The following SLC9C1 variants were observed in gnomAD, a reference collection of about 807,000 sequenced individuals.
The protein encoded by SLC9C1 is solute carrier family 9 member C1, also known as sodium/hydrogen exchanger 10.
Under a neutral mutation model 140.9 loss-of-function variants are expected in SLC9C1, and 97 were observed. The observed-to-expected ratio is 0.69, with a 90% CI of 0.58 to 0.82. The LOEUF (loss-of-function observed/expected upper bound fraction) is 0.82, where lower values mean the gene tolerates loss of function less well. SLC9C1 is among the 40% of genes least tolerant of loss of function. The pLI is 0.00. For synonymous variants in SLC9C1, 440 were observed against 442.6 expected, an observed-to-expected ratio of 0.99 and a Z score of 0.07; for missense variants, 1,340 against 1,389.3, an observed-to-expected ratio of 0.96 and a Z score of 0.56.
At chr3:112,219,327 A>AT (rs2078475497) in intron 14 of SLC9C1, among the ~76,000 whole-genome samples, 1 of 62,984 alleles carries the variant, frequency 1.6e-5, no homozygotes, top group Non-Finnish European at 3.5e-5. Flanking sequence ...GAATATAAGC[A>AT]CATCAATAGA....
chr3:112,245,379 G>A (rs2079253485), intron 10 of SLC9C1, among the ~76,000 whole-genome samples: 1 of 150,974 alleles, frequency 6.6e-6, no homozygotes, highest in Admixed American at 6.6e-5. Flanking sequence ...TAAGTCTATG[G>A]TCCATCTCAA....
chr3:112,167,346 A>G lies in SLC9C1; in HGVS notation c.3239T>C (p.Ile1080Thr), dbSNP rs765407677. Residue 1080 changes from isoleucine to threonine, a missense_variant and splice_region_variant, in exon 26 of 29, where the codon ATA (isoleucine) becomes ACA (threonine). Physicochemically the swap from Ile to Thr is moderately conservative, Grantham distance 89. Coordinates refer to ENST00000305815, the MANE Select transcript of SLC9C1 (RefSeq NM_183061.3). ...TTTTGTGAAATCTTCAATACTTTGT[A>G]TCTGAAAGTTGACAGAATGCAAGTT... ...PFLIPITCHQ[I>T]QSIEDFTKVV... 1 of 1,584,254 alleles carries G rather than the reference A, an allele frequency of 6.3e-7. No homozygotes were observed. The highest frequency in any genetic ancestry group is 1.9e-4 in the Middle Eastern group (1 of 5,130).
In SLC9C1 at chr3:112,280,889, A is replaced by AATTGTTTTCT. The variant is rs147052896; in HGVS notation, c.89-107_89-106insAGAAAACAAT. ...GTGAACAATGTCTTACAGTTTCACT[A>AATTGTTTTCT]CTTTTCATGAGTTTAAAATCCTCCC... On this transcript the variant is annotated intron_variant, in intron 2 of 28. Transcript: ENST00000305815. 14 of 955,342 alleles carry AATTGTTTTCT rather than the reference A, an allele frequency of 1.5e-5. No individual in the cohort carries two copies. In the East Asian group the frequency reaches 3.1e-4, roughly 21 times the overall value. 59.2% of individuals were successfully genotyped at this position (955,342 alleles called of 1,614,324 possible).
chr3:112,248,664 C>T (rs1010905085), intron 10 of SLC9C1, among the ~76,000 whole-genome samples: 1 of 151,890 alleles, frequency 6.6e-6, no homozygotes, highest in Non-Finnish European at 1.5e-5. Context: ...CTCCCTATTG[C>T]CTGAGGTAGG....
At chr3:112,171,639 T>C (rs2077249266) in intron 23 of SLC9C1, among the ~76,000 whole-genome samples, 1 of 152,218 alleles carries the variant, frequency 6.6e-6, no homozygotes, top group South Asian at 2.1e-4. Context: ...GACATCCAAT[T>C]TATCAATATT....
At position 112,227,234 on chromosome 3, in the gene SLC9C1, C is replaced by T. The variant is rs200323806; in HGVS notation, c.1572+4127G>A. Among the ~76,000 whole-genome samples, 13 of 152,118 alleles carry T rather than the reference C, an allele frequency of 8.5e-5. No homozygotes were observed. In the East Asian group the frequency reaches 2.5e-3, roughly 29 times the overall value. On this transcript the variant is annotated intron_variant, in intron 13 of 28. Coordinates refer to ENST00000305815, the MANE Select transcript of SLC9C1 (RefSeq NM_183061.3). ...TTGAAAGGGAAGGAATTCTTCCAAACTCATTTTATGAGGCTAGCATTACCC... is the reference window on the plus strand; with the variant it reads ...TTGAAAGGGAAGGAATTCTTCCAAATTCATTTTATGAGGCTAGCATTACCC...
intron 13 of SLC9C1, among the ~76,000 whole-genome samples, chr3:112,224,195 A>C (rs952236177): frequency 1.3e-5 from 2 of 152,228 alleles, no homozygotes; most frequent in Non-Finnish European, 2.9e-5. Context: ...TGAGGCACTC[A>C]CAGGCATCAA....
intron 2 of SLC9C1, among the ~76,000 whole-genome samples, chr3:112,286,000 G>A (rs1211295451): frequency 6.6e-6 from 1 of 152,142 alleles, no homozygotes; most frequent in Admixed American, 6.5e-5. Context: ...CTGGACTCAA[G>A]TGATCTGCCC....
In SLC9C1 at chr3:112,147,348, G is replaced by A. The variant is rs185121917; in HGVS notation, c.3524+4509C>T. ...TGTGAAGTTGTTAGCTGTGTATTGT[G>A]CAGTTTCTGTTGTGTTTTTGTTTTA... is the stretch of plus-strand genomic sequence containing the variant. On this transcript the variant is annotated intron_variant, in intron 28 of 28. Transcript: ENST00000305815. 7.9e-5 allele frequency among the ~76,000 whole-genome samples: 12 copies of A among 152,280 alleles called. No homozygotes were observed. The East Asian group carries it at 2.3e-3, about 29-fold the overall frequency.
intron 20 of SLC9C1, among the ~76,000 whole-genome samples, chr3:112,188,925 T>C (rs2077592837): frequency 6.6e-6 from 1 of 152,362 alleles, no homozygotes; most frequent in East Asian, 1.9e-4. Context: ...TGATCGCCAT[T>C]CTAACTGGTG....
At chr3:112,147,598 G>A (rs1189466281) in intron 28 of SLC9C1, 1 of 351,242 alleles carries the variant, frequency 2.8e-6, no homozygotes, top group African/African-American at 2.2e-5. Context: ...TCAGAAAGAT[G>A]AATATAGATC....
intron 18 of SLC9C1, among the ~76,000 whole-genome samples, chr3:112,201,806 G>C (rs1185535767): frequency 6.6e-6 from 1 of 151,850 alleles, no homozygotes; most frequent in Non-Finnish European, 1.5e-5. Context: ...TGAATCACTT[G>C]TTTTTATTTC....
At chr3:112,202,543 T>G (rs1560059410) in intron 17 of SLC9C1, 144 bp from the exon 18 acceptor site, 1 of 738,342 alleles carries the variant, frequency 1.4e-6, no homozygotes, top group Non-Finnish European at 2.1e-6. Flanking sequence ...TCTTTGTTAT[T>G]TTTTTAGTGG....
intron 2 of SLC9C1, among the ~76,000 whole-genome samples, chr3:112,283,650 C>T (rs2080421603): frequency 6.6e-6 from 1 of 151,982 alleles, no homozygotes; most frequent in South Asian, 2.1e-4. Flanking sequence ...GTTTTGTGAA[C>T]TCATAGGCAG....
chr3:112,217,411 A>T, intron 15 of SLC9C1, 31 bp downstream of exon 15: 4 of 1,554,022 alleles, frequency 2.6e-6, no homozygotes, highest in Non-Finnish European at 3.5e-6. Context: ...TGAATATAAT[A>T]GCATTTCTTA....
intron 26 of SLC9C1, 56 bp downstream of exon 26, chr3:112,167,165 G>A: frequency 6.3e-7 from 1 of 1,580,318 alleles, no homozygotes; most frequent in Non-Finnish European, 8.6e-7. Flanking sequence ...TACACATATG[G>A]CTATTTTATA....
At chr3:112,274,876 A>G (rs759097495) in intron 6 of SLC9C1, 21 bp downstream of exon 6, 1 of 1,516,818 alleles carries the variant, frequency 6.6e-7, no homozygotes, top group Non-Finnish European at 8.8e-7. Flanking sequence ...GTTGAGAAAA[A>G]TTTTTTAAAA....
At chr3:112,276,647 T>C (rs918523934) in intron 5 of SLC9C1, among the ~76,000 whole-genome samples, 1 of 151,958 alleles carries the variant, frequency 6.6e-6, no homozygotes, top group Non-Finnish European at 1.5e-5. Flanking sequence ...ATCAGTGGAA[T>C]ACTAGATTAC....
chr3:112,160,197 C>T (rs879820553), intron 26 of SLC9C1, among the ~76,000 whole-genome samples: 13 of 148,562 alleles, frequency 8.8e-5, no homozygotes, highest in Admixed American at 4.7e-4. Flanking sequence ...TCTGGTAGTA[C>T]GTTTTAAATA....
Sources: gnomAD v4.1 joint callset for allele counts (sites outside exome capture counted in the v4.1 genomes callset) on GRCh38, gnomAD v4.1.1 for gene constraint, MANE v1.5 for transcripts, NCBI Gene and HGNC (gene_info 2026-07-23, HGNC 2026-07-21) for gene names.